FAM227B: variants seen among roughly 807,000 people sequenced by gnomAD.
The protein encoded by FAM227B is protein FAM227B.
A neutral mutation model predicts 73.8 loss-of-function variants in FAM227B; 88 were observed. The ratio of observed to expected loss-of-function variants is 1.19; its 90% confidence interval spans 1.00 to 1.42. The LOEUF is 1.42. Ranked by LOEUF, FAM227B falls within the 40% of genes most tolerant of loss-of-function variation. The pLI is 0.00. For missense variants in FAM227B, 632 were observed against 590.9 expected, an observed-to-expected ratio of 1.07 and a Z score of -0.72; for synonymous variants, 210 against 190.5, an observed-to-expected ratio of 1.10 and a Z score of -0.84.
At chr15:49,352,330 C>G (rs2042372411) in intron 13 of FAM227B, among the ~76,000 whole-genome samples, 1 of 152,200 alleles carries the variant, frequency 6.6e-6, no homozygotes, top group Non-Finnish European at 1.5e-5. Flanking sequence ...GATGCTATCT[C>G]TTGATGGAAG....
At chr15:49,380,972 G>T (rs2046492639) in intron 11 of FAM227B, among the ~76,000 whole-genome samples, 1 of 152,208 alleles carries the variant, frequency 6.6e-6, no homozygotes, top group Admixed American at 6.5e-5. Flanking sequence ...GCCAGCATCT[G>T]CTTCTGGTGC....
intron 9 of FAM227B, among the ~76,000 whole-genome samples, chr15:49,551,041 A>G (rs1041517602): frequency 3.9e-5 from 6 of 152,234 alleles, no homozygotes; most frequent in African/African-American, 1.4e-4. Flanking sequence ...GCACCCCGGG[A>G]GGCCGAGGCT....
chr15:49,371,289 T>C lies in FAM227B; in HGVS notation c.1110+13A>G, dbSNP rs1398718425. The C allele has an allele frequency of 2.7e-6, 4 of 1,506,446 alleles. No homozygotes were observed. The highest frequency in any genetic ancestry group is 3.7e-6 in the Non-Finnish European group (4 of 1,090,974). 93.3% of individuals were successfully genotyped at this position (1,506,446 alleles called of 1,614,324 possible). A position where few individuals can be genotyped will look rare whatever the true frequency, so the allele number is the denominator to read the frequency against. ...CAAGTAAGAAATTTTTTCATAATTATTATACTCCAAACCTTTGTTGCTAGT... is the reference window on the plus strand; with the variant it reads ...CAAGTAAGAAATTTTTTCATAATTACTATACTCCAAACCTTTGTTGCTAGT... On this transcript the variant is annotated intron_variant, in intron 12 of 15. Transcript: ENST00000299338.
chr15:49,429,384 C>T (rs2050397378), intron 11 of FAM227B, among the ~76,000 whole-genome samples: 1 of 151,918 alleles, frequency 6.6e-6, no homozygotes, highest in Non-Finnish European at 1.5e-5. Context: ...TTCTTTTTGG[C>T]TATCACATGT....
intron 3 of FAM227B, among the ~76,000 whole-genome samples, chr15:49,604,188 A>C (rs1363153232): frequency 6.6e-6 from 1 of 152,128 alleles, no homozygotes; most frequent in East Asian, 1.9e-4. Flanking sequence ...CTATACTTTA[A>C]TGTTTTTATA....
chr15:49,374,349 A>C (rs2046022557), intron 11 of FAM227B, among the ~76,000 whole-genome samples: 1 of 152,200 alleles, frequency 6.6e-6, no homozygotes. Context: ...GAATGCACCA[A>C]AATAGCACAG....
intron 9 of FAM227B, among the ~76,000 whole-genome samples, chr15:49,561,555 A>G (rs2074260886): frequency 6.6e-6 from 1 of 152,148 alleles, no homozygotes; most frequent in South Asian, 2.1e-4. Flanking sequence ...CATCAACTAG[A>G]AATGTGCATT....
intron 11 of FAM227B, among the ~76,000 whole-genome samples, chr15:49,393,270 G>A (rs2047340174): frequency 6.6e-6 from 1 of 152,112 alleles, no homozygotes; most frequent in African/African-American, 2.4e-5. Context: ...TCCTCTTAGT[G>A]TAAATGGAGG....
At chr15:49,329,313 GAAGC>G (rs2038145304) in intron 15 of FAM227B, 1 of 985,240 alleles carries the variant, frequency 1.0e-6, no homozygotes, top group Admixed American at 6.2e-5. Context: ...TGGACTATAG[GAAGC>G]ACTTTCTGAA....
chr15:49,559,544 A>G (rs1393613567), intron 9 of FAM227B, among the ~76,000 whole-genome samples: 1 of 152,152 alleles, frequency 6.6e-6, no homozygotes, highest in African/African-American at 2.4e-5. Flanking sequence ...GGAAGTGCAT[A>G]AGGCAATAGA....
intron 11 of FAM227B, among the ~76,000 whole-genome samples, chr15:49,397,713 A>C (rs2047796236): frequency 6.6e-6 from 1 of 152,196 alleles, no homozygotes; most frequent in East Asian, 1.9e-4. Context: ...AAAGAAAAGA[A>C]TTTTCAACCC....
At chr15:49,386,812 G>A (rs2046913610) in intron 11 of FAM227B, among the ~76,000 whole-genome samples, 1 of 151,736 alleles carries the variant, frequency 6.6e-6, no homozygotes, top group African/African-American at 2.4e-5. Flanking sequence ...TGAAACTGGA[G>A]ACATTACAAC....
At position 49,365,558 on chromosome 15, in the gene FAM227B, G is replaced by T. The variant is rs558563203; in HGVS notation, c.1271+1890C>A. 9.1e-5 allele frequency: 81 copies of T among 885,720 alleles called. No homozygotes were observed. The East Asian group carries it at 1.0e-3, about 11-fold the overall frequency. 54.9% of individuals were successfully genotyped at this position (885,720 alleles called of 1,614,324 possible). ...GGCAATGTTTCAGTATTTTCAAAAG[G>T]TCCAGCTGCAAGTTTAACCATGATA... On this transcript the variant is annotated intron_variant, in intron 13 of 15. Transcript: ENST00000299338.
intron 13 of FAM227B, 134 bp downstream of exon 13, chr15:49,367,314 G>A: frequency 1.3e-6 from 1 of 755,140 alleles, no homozygotes; most frequent in East Asian, 3.2e-5. Context: ...TTAAGCATAA[G>A]TAAATATTAA....
In FAM227B at chr15:49,332,007, C is replaced by T. The variant is rs1297524936; in HGVS notation, c.1350-158G>A. On this transcript the variant is annotated intron_variant, in intron 14 of 15. Coordinates refer to ENST00000299338, the MANE Select transcript of FAM227B (RefSeq NM_152647.3). ...ACCCTTAAAACTTCTGAAGTAGGTA[C>T]TCCTATTATCCTATTTTATAAATGA... is the stretch of plus-strand genomic sequence containing the variant. The T allele has an allele frequency of 4.5e-5, 27 of 599,394 alleles. No individual in the cohort carries two copies. In the East Asian group the frequency reaches 7.4e-4, roughly 16 times the overall value. 37.1% of individuals were successfully genotyped at this position (599,394 alleles called of 1,614,324 possible).
At chr15:49,508,932 A>C (rs1292537694) in intron 10 of FAM227B, among the ~76,000 whole-genome samples, 1 of 152,172 alleles carries the variant, frequency 6.6e-6, no homozygotes, top group Non-Finnish European at 1.5e-5. Context: ...CACAGTTCCC[A>C]AGAGTAGGGG....
chr15:49,449,830 C>T (rs974973420), intron 11 of FAM227B, among the ~76,000 whole-genome samples: 9 of 151,870 alleles, frequency 5.9e-5, no homozygotes, highest in Non-Finnish European at 1.2e-4. Context: ...TAAACGAGAT[C>T]AGATATCCAT....
At chr15:49,367,399 TATTATTTTTGAAAGAA>T (rs750834633) in intron 13 of FAM227B, 33 bp downstream of exon 13, 26 of 1,448,784 alleles carry the variant, frequency 1.8e-5, no homozygotes, top group Non-Finnish European at 2.4e-5. Flanking sequence ...ATGTTTTGAA[TATTATTTTTGAAAGAA>T]ATTATATTAA....
At chr15:49,607,622 C>G (rs1226199333) in intron 3 of FAM227B, among the ~76,000 whole-genome samples, 3 of 152,152 alleles carry the variant, frequency 2.0e-5, no homozygotes, top group Non-Finnish European at 4.4e-5. Flanking sequence ...CTTGTTATAT[C>G]ACAATCCTTT....
Sources: allele counts gnomAD v4.1 joint callset (sites outside exome capture counted in the v4.1 genomes callset), GRCh38; gene constraint gnomAD v4.1.1; transcripts MANE v1.5; gene names NCBI Gene and HGNC (gene_info 2026-07-23, HGNC 2026-07-21).